The following NBEAL1 variants were observed in gnomAD, a reference collection of about 807,000 sequenced individuals.
NBEAL1 encodes the protein neurobeachin-like protein 1.
A neutral mutation model predicts 351.3 loss-of-function variants in NBEAL1; 273 were observed. The ratio of observed to expected loss-of-function variants is 0.78; its 90% CI spans 0.70 to 0.86. NBEAL1 has a LOEUF of 0.86. Ranked by LOEUF, NBEAL1 falls within the 40% of genes least tolerant of loss-of-function variation. The pLI is 0.00. For synonymous variants in NBEAL1, 1,050 were observed against 1,086.4 expected (o/e 0.97, Z 0.66); for missense variants, 2,961 against 3,201.3 (o/e 0.92, Z 1.81).
At chr2:203,030,472 G>A (rs1485220714) in intron 2 of NBEAL1, among the ~76,000 whole-genome samples, 1 of 151,938 alleles carries the variant, frequency 6.6e-6, no homozygotes, top group Non-Finnish European at 1.5e-5. Context: ...TAATAATAAA[G>A]AACAATTTAC....
Position 203,202,711 on chromosome 2 carries a change from A to T in NBEAL1, c.7436A>T (p.Asp2479Val), listed in dbSNP as rs1355385541. 6.3e-7 allele frequency: 1 copy of T among 1,597,510 alleles called. No individual in the cohort carries two copies. Among genetic ancestry groups the T allele is most frequent in the Admixed American group, 1.7e-5 (1 of 59,942 alleles). The change falls in exon 51 of 56, where the codon GAT (aspartate) becomes GTT (valine). Residue 2479 changes from aspartate to valine, a missense_variant. Asp to Val is a radical substitution (Grantham distance 152). Transcript: ENST00000683969. ...HMDIVTCLATDYCGIHLISGS... is the reference protein window; with the variant it reads ...HMDIVTCLATVYCGIHLISGS... Reference sequence around the variant, plus strand: ...GATATTGTGACTTGCTTAGCTACAGATTACTGTGGAATACATTTGATTTCT... The same window carrying T: ...GATATTGTGACTTGCTTAGCTACAGTTTACTGTGGAATACATTTGATTTCT...
At chr2:203,046,545 C>G (rs1004583044) in intron 3 of NBEAL1, among the ~76,000 whole-genome samples, 1 of 152,050 alleles carries the variant, frequency 6.6e-6, no homozygotes, top group African/African-American at 2.4e-5. Flanking sequence ...ATTTACTGTT[C>G]ACCGTTCTGG....
intron 36 of NBEAL1, among the ~76,000 whole-genome samples, chr2:203,160,496 T>C (rs2063920345): frequency 6.6e-6 from 1 of 152,248 alleles, no homozygotes; most frequent in South Asian, 2.1e-4. Flanking sequence ...TTTGTTCTTT[T>C]GATGTTTTTA....
rs1171050477 is a variant in NBEAL1, at chr2:203,066,383, C to T, written c.516-2010C>T. 2.8e-4 allele frequency among the ~76,000 whole-genome samples: 41 copies of T among 148,958 alleles called. 1 individual carries two copies. The highest frequency in any genetic ancestry group is 1.5e-3 in the Admixed American group (23 of 14,844). ...GACACAGCACACGTTTCAGAGAGCA[C>T]GGGGTTGGGGGTAAGGTTATAGATT... On this transcript the variant is annotated intron_variant, in intron 6 of 55. Coordinates refer to ENST00000683969, the MANE Select transcript of NBEAL1 (RefSeq NM_001378026.1).
chr2:203,021,330 A>G (rs2060768992), intron 2 of NBEAL1, among the ~76,000 whole-genome samples: 1 of 148,244 alleles, frequency 6.7e-6, no homozygotes, highest in Non-Finnish European at 1.5e-5. Context: ...GTGGTGGCTC[A>G]TGCCTGTAAT....
chr2:203,173,036 C>T (rs1268979673), intron 41 of NBEAL1, among the ~76,000 whole-genome samples, 183 bp downstream of exon 41: 3 of 152,030 alleles, frequency 2.0e-5, no homozygotes, highest in African/African-American at 7.2e-5. Flanking sequence ...GAAATCTTGA[C>T]TATACTTGTG....
intron 31 of NBEAL1, among the ~76,000 whole-genome samples, chr2:203,142,188 C>T (rs900192638): frequency 1.5e-4 from 23 of 152,138 alleles, no homozygotes; most frequent in African/African-American, 5.3e-4. Context: ...CAGAGTCTTG[C>T]TCTTTTGCCC....
At chr2:203,065,606 G>A (rs911617427) in intron 6 of NBEAL1, among the ~76,000 whole-genome samples, 3 of 152,134 alleles carry the variant, frequency 2.0e-5, no homozygotes, top group African/African-American at 7.2e-5. Context: ...CAAAAAATTA[G>A]CCAGGTGTGG....
chr2:203,133,721 ATGTG>A (rs577417013), intron 27 of NBEAL1, among the ~76,000 whole-genome samples: 1 of 150,500 alleles, frequency 6.6e-6, no homozygotes, highest in Non-Finnish European at 1.5e-5. Flanking sequence ...ATATATATAT[ATGTG>A]TGTGTGAGAA....
chr2:203,209,988 C>T (rs1169559362), intron 53 of NBEAL1, among the ~76,000 whole-genome samples: 1 of 151,952 alleles, frequency 6.6e-6, no homozygotes, highest in African/African-American at 2.4e-5. Flanking sequence ...TGGGCTCAAG[C>T]GATCCTCCTG....
chr2:203,210,676 A>G (rs1559069726), intron 53 of NBEAL1, among the ~76,000 whole-genome samples: 1 of 152,030 alleles, frequency 6.6e-6, no homozygotes, highest in Non-Finnish European at 1.5e-5. Flanking sequence ...AAGAAAAAGA[A>G]TTTTTTTCTT....
At chr2:203,125,788 T>C (rs1378258333) in intron 20 of NBEAL1, among the ~76,000 whole-genome samples, 172 bp from the exon 21 acceptor site, 3 of 152,150 alleles carry the variant, frequency 2.0e-5, no homozygotes, top group African/African-American at 7.2e-5. Flanking sequence ...TGCACATAAA[T>C]ATACAATATT....
intron 36 of NBEAL1, among the ~76,000 whole-genome samples, chr2:203,161,880 CA>C (rs2063973685): frequency 6.6e-6 from 1 of 151,870 alleles, no homozygotes. Flanking sequence ...CTAAAATAAA[CA>C]AACCCCTTGA....
At position 203,191,035 on chromosome 2, in the gene NBEAL1, A is replaced by G. The variant is rs1323804777; in HGVS notation, c.6921+646A>G. ...CTCTGCCCTGATCATCAAAGCCCTC[A>G]AGGAACCACCAAGAGACAGAAAGAA... is the stretch of plus-strand genomic sequence containing the variant. On this transcript the variant is annotated intron_variant, in intron 46 of 55. Coordinates refer to ENST00000683969, the MANE Select transcript of NBEAL1 (RefSeq NM_001378026.1). 7 of 1,601,198 alleles carry G rather than the reference A, an allele frequency of 4.4e-6. No homozygotes were observed. In the African/African-American group the frequency reaches 8.0e-5, roughly 18 times the overall value.
intron 7 of NBEAL1, among the ~76,000 whole-genome samples, chr2:203,072,594 C>A (rs2061700684): frequency 1.3e-5 from 2 of 152,140 alleles, no homozygotes; most frequent in African/African-American, 4.8e-5. Flanking sequence ...AGCTAAATAT[C>A]CAATTTCATT....
At chr2:203,049,449 C>T (rs925142479) in intron 3 of NBEAL1, among the ~76,000 whole-genome samples, 2 of 152,172 alleles carry the variant, frequency 1.3e-5, no homozygotes, top group African/African-American at 4.8e-5. Flanking sequence ...CTGCTATACA[C>T]AGTATTTAGT....
intron 36 of NBEAL1, among the ~76,000 whole-genome samples, chr2:203,158,850 C>T (rs867604759): frequency 2.2e-4 from 25 of 111,948 alleles, no homozygotes; most frequent in Middle Eastern, 0.01. Flanking sequence ...GACAGGATCT[C>T]GCTGTGTCAC....
chr2:203,206,421 CCTCTCT>C (rs1409297181), intron 51 of NBEAL1, among the ~76,000 whole-genome samples: 1 of 152,028 alleles, frequency 6.6e-6, no homozygotes, highest in Non-Finnish European at 1.5e-5. Context: ...TTTCCCTCTC[CCTCTCT>C]CCCTCTCCCC....
Position 203,220,955 on chromosome 2 carries a change from G to A in NBEAL1, c.*3601G>A, listed in dbSNP as rs1478811544. On this transcript the variant is annotated 3_prime_UTR_variant, in exon 56 of 56. Transcript: ENST00000683969. ...ATACCAAGTGTTCATTCTGTCATTA[G>A]CAAGGAACACCAATGAGGTTTCTTT... Among the ~76,000 whole-genome samples the A allele has an allele frequency of 6.6e-6, 1 of 152,126 alleles. No individual in the cohort carries two copies. The highest frequency in any genetic ancestry group is 1.5e-5 in the Non-Finnish European group (1 of 68,014).
Sources: allele counts gnomAD v4.1 joint callset (sites outside exome capture counted in the v4.1 genomes callset), GRCh38; gene constraint gnomAD v4.1.1; transcripts MANE v1.5; gene names NCBI Gene and HGNC (gene_info 2026-07-23, HGNC 2026-07-21).